Variants in EPHA3 observed in about 807,000 individuals in gnomAD.
The protein encoded by EPHA3 is ephrin type-A receptor 3.
A neutral mutation model predicts 107.1 loss-of-function variants in EPHA3; 42 were observed. That is an observed-to-expected ratio of 0.39 (90% confidence interval 0.31 to 0.51). EPHA3 has a LOEUF of 0.51. Ranked by LOEUF, EPHA3 falls within the 20% of genes least tolerant of loss-of-function variation. The pLI, the probability that EPHA3 is intolerant of heterozygous loss-of-function variation, is 0.78. For missense variants in EPHA3, 1,183 were observed against 1,211.2 expected (o/e 0.98, Z 0.35); for synonymous variants, 461 against 424.8 (o/e 1.09, Z -1.05).
chr3:89,164,960 C>A (rs1022523241), intron 2 of EPHA3, among the ~76,000 whole-genome samples: 2 of 152,180 alleles, frequency 1.3e-5, no homozygotes, highest in Non-Finnish European at 2.9e-5. Context: ...TCTTTCAATG[C>A]AGCATTGCTG....
chr3:89,417,748 A>T (rs2107525718), intron 10 of EPHA3, among the ~76,000 whole-genome samples: 1 of 151,582 alleles, frequency 6.6e-6, no homozygotes, highest in South Asian at 2.1e-4. Flanking sequence ...AAAGGGAATA[A>T]ACTAGTCCTG....
chr3:89,312,458 A>G (rs1706786483), intron 3 of EPHA3, among the ~76,000 whole-genome samples: 1 of 150,340 alleles, frequency 6.7e-6, no homozygotes, highest in African/African-American at 2.4e-5. Flanking sequence ...TTCTGATCTT[A>G]TCTTTCTTCT....
chr3:89,185,461 G>A (rs1231568904), intron 2 of EPHA3, among the ~76,000 whole-genome samples: 2 of 152,020 alleles, frequency 1.3e-5, no homozygotes, highest in East Asian at 3.9e-4. Flanking sequence ...GGAAAGCTAA[G>A]TAATTTAACA....
chr3:89,341,902 G>T lies in EPHA3; in HGVS notation c.1118G>T (p.Cys373Phe), dbSNP rs2107420068. 6.2e-7 allele frequency: 1 copy of T among 1,613,756 alleles called. No homozygotes were observed. The highest frequency in any genetic ancestry group is 8.5e-7 in the Non-Finnish European group (1 of 1,179,974). ...CKKCGWNIKQ[C>F]EPCSPNVRFL... Reference sequence around the variant, plus strand: ...AAATGTGGGTGGAATATAAAACAGTGTGAGCCATGCAGCCCAAATGTCCGC... The same window carrying T: ...AAATGTGGGTGGAATATAAAACAGTTTGAGCCATGCAGCCCAAATGTCCGC... Residue 373 changes from cysteine (C) to phenylalanine (F), a missense_variant, in exon 5 of 17, where the codon TGT (cysteine) becomes TTT (phenylalanine). Transcript: ENST00000336596.
chr3:89,432,939 AAT>A, intron 13 of EPHA3, among the ~76,000 whole-genome samples: 1 of 152,148 alleles, frequency 6.6e-6, no homozygotes, highest in Admixed American at 6.6e-5. Context: ...AATATTCAAT[AAT>A]GTCTAATACT....
chr3:89,245,751 G>C (rs537645686), intron 3 of EPHA3, among the ~76,000 whole-genome samples: 52 of 152,372 alleles, frequency 3.4e-4, no homozygotes, highest in Middle Eastern at 3.4e-3. Context: ...TGGCCATCCA[G>C]CTGGCATCTA....
At chr3:89,216,118 CATAA>C (rs150105081) in intron 3 of EPHA3, among the ~76,000 whole-genome samples, 1,871 of 151,946 alleles carry the variant, frequency 0.012, 23 homozygotes, top group African/African-American at 0.04. Flanking sequence ...CTTTGGGAAA[CATAA>C]ATAATGTGTC....
intron 3 of EPHA3, among the ~76,000 whole-genome samples, chr3:89,265,417 AT>A (rs1705512796): frequency 6.6e-6 from 1 of 152,108 alleles, no homozygotes; most frequent in Admixed American, 6.6e-5. Flanking sequence ...AAAAAAAGTT[AT>A]TTTCTAAAAA....
At chr3:89,203,728 G>C (rs567692358) in intron 2 of EPHA3, among the ~76,000 whole-genome samples, 1 of 152,190 alleles carries the variant, frequency 6.6e-6, no homozygotes, top group African/African-American at 2.4e-5. Context: ...AGTGAGCCGA[G>C]ATCGCGCCAC....
chr3:89,189,462 G>A (rs745636019), intron 2 of EPHA3, among the ~76,000 whole-genome samples: 22 of 151,998 alleles, frequency 1.4e-4, no homozygotes, highest in East Asian at 3.9e-4. Context: ...GCACGGTGGC[G>A]CGCACCTGTC....
At chr3:89,206,270 AACTAC>A (rs1239985895) in intron 2 of EPHA3, among the ~76,000 whole-genome samples, 1 of 152,142 alleles carries the variant, frequency 6.6e-6, no homozygotes, top group Non-Finnish European at 1.5e-5. Context: ...CCAAATGTTA[AACTAC>A]ACTGAGATCT....
intron 3 of EPHA3, among the ~76,000 whole-genome samples, chr3:89,331,261 C>T (rs539190682): frequency 3.3e-5 from 5 of 152,060 alleles, no homozygotes; most frequent in Admixed American, 6.6e-5. Flanking sequence ...AGAACCTTTT[C>T]GTTTTTAAGT....
intron 5 of EPHA3, among the ~76,000 whole-genome samples, chr3:89,346,240 T>G (rs1265807919): frequency 1.6e-5 from 2 of 128,342 alleles, no homozygotes; most frequent in African/African-American, 3.1e-5. Context: ...ACCAACAGTG[T>G]AAAAGTGTTC....
chr3:89,211,379 G>A (rs1057138859), intron 3 of EPHA3, among the ~76,000 whole-genome samples: 2 of 151,862 alleles, frequency 1.3e-5, no homozygotes, highest in Non-Finnish European at 2.9e-5. Flanking sequence ...TTATGCTTAA[G>A]AACACACTAA....
intron 5 of EPHA3, among the ~76,000 whole-genome samples, chr3:89,395,500 C>G (rs2107503534): frequency 1.3e-5 from 2 of 152,142 alleles, no homozygotes; most frequent in South Asian, 4.2e-4. Context: ...ATGTTTTGTT[C>G]TTTTTTTAAT....
At chr3:89,249,626 A>G (rs748244022) in intron 3 of EPHA3, among the ~76,000 whole-genome samples, 1 of 151,758 alleles carries the variant, frequency 6.6e-6, no homozygotes, top group Non-Finnish European at 1.5e-5. Flanking sequence ...ATGCCCTGCT[A>G]ATTTTTGTAT....
intron 11 of EPHA3, 64 bp downstream of exon 11, chr3:89,419,454 C>A: frequency 7.1e-7 from 1 of 1,401,788 alleles, no homozygotes; most frequent in South Asian, 1.6e-5. Context: ...TAAACCCAAC[C>A]CCAACCATTT....
intron 7 of EPHA3, among the ~76,000 whole-genome samples, chr3:89,404,382 A>G (rs552930314): frequency 1.9e-4 from 29 of 152,296 alleles, no homozygotes; most frequent in African/African-American, 6.3e-4. Flanking sequence ...TTAATTCTCA[A>G]ACAACAAAAT....
chr3:89,222,142 T>A (rs1704392990), intron 3 of EPHA3, among the ~76,000 whole-genome samples: 1 of 151,910 alleles, frequency 6.6e-6, no homozygotes, highest in African/African-American at 2.4e-5. Context: ...TGATAGGAGA[T>A]GATGGCTAGT....
Sources: gnomAD v4.1 joint callset for allele counts (sites outside exome capture counted in the v4.1 genomes callset) on GRCh38, gnomAD v4.1.1 for gene constraint, MANE v1.5 for transcripts, NCBI Gene and HGNC (gene_info 2026-07-23, HGNC 2026-07-21) for gene names.